Variants in URGCP observed in about 807,000 individuals in gnomAD.
The protein encoded by URGCP is up-regulator of cell proliferation.
In URGCP, 13 loss-of-function variants were observed where a neutral mutation model predicts 24.6. The ratio of observed to expected loss-of-function variants is 0.53; its 90% CI spans 0.34 to 0.84. URGCP has a LOEUF of 0.84. URGCP is among the 40% of genes least tolerant of loss of function. The pLI is 0.01. For synonymous variants in URGCP, 444 were observed against 487.2 expected (o/e 0.91, Z 1.17); for missense variants, 899 against 1,194.3 (o/e 0.75, Z 3.64).
At chr7:43,916,764 C>T (rs755104587) in intron 1 of URGCP, among the ~76,000 whole-genome samples, 4 of 119,948 alleles carry the variant, frequency 3.3e-5, no homozygotes, top group African/African-American at 3.2e-5. Flanking sequence ...CCATGGGAGG[C>T]ATCCTGTCAT....
In URGCP at chr7:43,876,733, G is replaced by C; in HGVS notation, c.2730C>G (p.Ile910Met). ...TGTTTTGGTTCGACAAGCCGTTCCT[G>C]ATGTTTTCGAGTAGGCATCTCTTCA... ...FELKRCLLEN[I>M]RNGLSNQNKN... Residue 910 changes from isoleucine to methionine, a missense_variant, in exon 6 of 6, where the codon ATC (isoleucine) becomes ATG (methionine). Physicochemically the swap from Ile to Met is conservative, Grantham distance 10. Coordinates refer to ENST00000453200, the MANE Select transcript of URGCP (RefSeq NM_001077663.3). The C allele has an allele frequency of 6.2e-7, 1 of 1,614,222 alleles. No individual in the cohort carries two copies. Among genetic ancestry groups the C allele is most frequent in the Non-Finnish European group, 8.5e-7 (1 of 1,180,044 alleles).
rs192177427 is a variant in URGCP at position 43,900,392 on chromosome 7, T to C, written c.14+6170A>G. Among the ~76,000 whole-genome samples, 1,124 of 141,492 alleles carry C rather than the reference T, an allele frequency of 7.9e-3. 22 individuals carry two copies. Among genetic ancestry groups the C allele is most frequent in the African/African-American group, 0.028 (1,028 of 37,234 alleles). The allele number at this position is 141,492 out of a possible 152,430, so 92.8% of individuals were successfully genotyped here. ...ATCGCTTGAACCCAGGAGGTGGAGG[T>C]TGAAGTGAGCTGAGATCACACCACT... On this transcript the variant is annotated intron_variant, in intron 1 of 5. Transcript: ENST00000453200.
At chr7:43,883,363 T>TACATATATATATATATATATATATATA (rs1491392943) in intron 3 of URGCP, among the ~76,000 whole-genome samples, 2 of 66,398 alleles carry the variant, frequency 3.0e-5, no homozygotes, top group Non-Finnish European at 5.4e-5. Context: ...TATATATATA[T>TACATATATATATATATATATATATATA]TTTTTTTTTT....
chr7:43,913,805 T>C (rs2095912749), intron 1 of URGCP, among the ~76,000 whole-genome samples: 2 of 151,784 alleles, frequency 1.3e-5, no homozygotes, highest in South Asian at 4.2e-4. Flanking sequence ...TTCAAGTGAT[T>C]CTCCTGCCTC....
rs575353593 is a variant in URGCP at position 43,918,533 on chromosome 7, G to A, written c.-116+7599C>T. Among the ~76,000 whole-genome samples the A allele has an allele frequency of 5.9e-5, 9 of 152,090 alleles. No homozygotes were observed. The East Asian group carries it at 9.7e-4, about 16-fold the overall frequency. On this transcript the variant is annotated intron_variant, in intron 1 of 5. Coordinates refer to the URGCP transcript ENST00000426198. ...TGACCTCAAGTGATCCGCCCACTTC[G>A]GCCTCCCAAAGTGCTAGGATTACAG...
intron 1 of URGCP, among the ~76,000 whole-genome samples, chr7:43,898,054 T>C (rs1240105992): frequency 2.0e-5 from 3 of 152,054 alleles, no homozygotes; most frequent in African/African-American, 7.3e-5. Context: ...TGGAAGGGGT[T>C]TGGAGAGCTA....
At chr7:43,916,765 A>G (rs1436882690) in intron 1 of URGCP, among the ~76,000 whole-genome samples, 1 of 119,354 alleles carries the variant, frequency 8.4e-6, no homozygotes, top group East Asian at 2.9e-4. Context: ...CATGGGAGGC[A>G]TCCTGTCATG....
chr7:43,877,032 G>A lies in URGCP; in HGVS notation c.2431C>T (p.His811Tyr), dbSNP rs375421028. The A allele has an allele frequency of 2.5e-6, 4 of 1,614,236 alleles. No homozygotes were observed. The highest frequency in any genetic ancestry group is 3.4e-6 in the Non-Finnish European group (4 of 1,180,050). ...HAFLRLEKTG[H>Y]MPNYQFVYQN... Reference sequence around the variant, plus strand: ...TATACAAACTGGTAGTTGGGCATGTGCCCCGTTTTTTCTAACCTCAGAAAT... The same window carrying A: ...TATACAAACTGGTAGTTGGGCATGTACCCCGTTTTTTCTAACCTCAGAAAT... Residue 811 changes from histidine to tyrosine, a missense_variant, in exon 6 of 6, where the codon CAC (histidine) becomes TAC (tyrosine). Transcript: ENST00000453200.
At chr7:43,915,618 C>T (rs1391737572) in intron 1 of URGCP, among the ~76,000 whole-genome samples, 1 of 152,248 alleles carries the variant, frequency 6.6e-6, no homozygotes, top group East Asian at 1.9e-4. Context: ...CCCCATGCAG[C>T]TGTCTGTCCA....
chr7:43,883,290 T>TA (rs1423067472), intron 3 of URGCP, among the ~76,000 whole-genome samples: 1 of 145,426 alleles, frequency 6.9e-6, no homozygotes, highest in Non-Finnish European at 1.5e-5. Context: ...CAAGAAAAAG[T>TA]AACACCTAGG....
At chr7:43,889,867 C>A (rs1585804890) in intron 1 of URGCP, among the ~76,000 whole-genome samples, 1 of 152,200 alleles carries the variant, frequency 6.6e-6, no homozygotes, top group African/African-American at 2.4e-5. Context: ...CCATATCCTT[C>A]ACAATGCTGA....
At chr7:43,919,617 A>T in intron 1 of URGCP, 1 of 1,398,004 alleles carries the variant, frequency 7.2e-7, no homozygotes, top group South Asian at 1.2e-5. Context: ...GATGGTATCC[A>T]CAGGCCGAGA....
At chr7:43,911,417 C>G (rs757552558), upstream of URGCP, among the ~76,000 whole-genome samples, 31 of 146,994 alleles carry the variant, frequency 2.1e-4, no homozygotes, top group Non-Finnish European at 4.2e-4. Context: ...TAAATAGGGC[C>G]AGGCGCGGTG....
upstream of URGCP, chr7:43,926,518 C>A (rs769312129): frequency 6.5e-7 from 1 of 1,528,666 alleles, no homozygotes; most frequent in South Asian, 1.2e-5. Context: ...CCCGGGTCCC[C>A]GGCAGCGGGG....
At chr7:43,919,747 T>C (rs1215553111) in intron 1 of URGCP, 1 of 1,370,578 alleles carries the variant, frequency 7.3e-7, no homozygotes, top group Non-Finnish European at 1.0e-6. Flanking sequence ...AACTTCATCC[T>C]GTTGGGCCCC....
chr7:43,884,320 G>A (rs1206964625), intron 3 of URGCP, among the ~76,000 whole-genome samples: 1 of 152,154 alleles, frequency 6.6e-6, no homozygotes, highest in African/African-American at 2.4e-5. Context: ...CAGCAAACAT[G>A]GGGGGCCACT....
At chr7:43,900,454 C>CA (rs1450616142) in intron 1 of URGCP, among the ~76,000 whole-genome samples, 17 of 43,170 alleles carry the variant, frequency 3.9e-4, no homozygotes, top group African/African-American at 6.2e-4. Flanking sequence ...GACCCTGCCT[C>CA]AAAAAAAACC....
At chr7:43,925,797 G>T (rs1370180289) in intron 1 of URGCP, among the ~76,000 whole-genome samples, 1 of 37,532 alleles carries the variant, frequency 2.7e-5, no homozygotes, top group Non-Finnish European at 5.1e-5. Context: ...ACCTCGTCTG[G>T]CTTTTTTTTT....
At chr7:43,883,337 CATATATATATATATATAT>C (rs1215710880) in intron 3 of URGCP, among the ~76,000 whole-genome samples, 1 of 105,478 alleles carries the variant, frequency 9.5e-6, no homozygotes, top group Non-Finnish European at 1.8e-5. Context: ...TATATATATA[CATATATATATATATATAT>C]ATATATATTT....
Sources: gnomAD v4.1 joint callset for allele counts (sites outside exome capture counted in the v4.1 genomes callset) on GRCh38, gnomAD v4.1.1 for gene constraint, MANE v1.5 for transcripts, NCBI Gene and HGNC (gene_info 2026-07-23, HGNC 2026-07-21) for gene names.